Variants in KIF1B observed in about 807,000 individuals in gnomAD.
KIF1B encodes kinesin family member 1B.
In KIF1B, 76 loss-of-function variants were observed where a neutral mutation model predicts 241.9. The observed-to-expected ratio is 0.31, with a 90% CI of 0.26 to 0.38. The LOEUF is 0.38. KIF1B is among the 10% of genes least tolerant of loss of function. KIF1B has a pLI of 1.00. For missense variants in KIF1B, 1,622 were observed against 2,271.4 expected, an observed-to-expected ratio of 0.71 and a Z score of 5.81; for synonymous variants, 750 against 796.7, an observed-to-expected ratio of 0.94 and a Z score of 0.99.
At chr1:10,313,460 G>C (rs932092364) in intron 22 of KIF1B, among the ~76,000 whole-genome samples, 1 of 151,224 alleles carries the variant, frequency 6.6e-6, no homozygotes, top group African/African-American at 2.5e-5. Context: ...TAAAAACCGG[G>C]GTAGATAGGT....
In KIF1B at chr1:10,228,732, T is replaced by C. The variant is rs576871406; in HGVS notation, c.-79-3518T>C. On this transcript the variant is annotated intron_variant, in intron 1 of 48. Coordinates refer to ENST00000676179, the MANE Select transcript of KIF1B (RefSeq NM_001365951.3). ...CTAAAAGCCCAAAGAACAGTCCAGC[T>C]ATTGCAAGTATCCTAGGTATGTGGT... 2.6e-5 allele frequency among the ~76,000 whole-genome samples: 4 copies of C among 152,296 alleles called. No individual in the cohort carries two copies. The South Asian group carries it at 8.3e-4, about 32-fold the overall frequency.
intron 22 of KIF1B, among the ~76,000 whole-genome samples, chr1:10,314,249 A>T (rs1202771374): frequency 6.6e-6 from 1 of 151,604 alleles, no homozygotes; most frequent in Non-Finnish European, 1.5e-5. Flanking sequence ...GAACGATAGT[A>T]TGTGAATCTC....
chr1:10,253,221 A>T (rs560438843), intron 2 of KIF1B, among the ~76,000 whole-genome samples: 12 of 152,254 alleles, frequency 7.9e-5, no homozygotes, highest in African/African-American at 2.9e-4. Context: ...CCAAAATTGC[A>T]TCCTGAATCT....
intron 2 of KIF1B, among the ~76,000 whole-genome samples, chr1:10,246,445 T>G (rs551064979): frequency 1.5e-4 from 23 of 152,302 alleles, no homozygotes; most frequent in African/African-American, 5.3e-4. Context: ...GCCAGTCATA[T>G]TTTAGAAATA....
chr1:10,241,874 G>A (rs1466361226), intron 2 of KIF1B, among the ~76,000 whole-genome samples: 2 of 152,112 alleles, frequency 1.3e-5, no homozygotes, highest in African/African-American at 4.8e-5. Flanking sequence ...GTGCGAAGTG[G>A]TGTAATGGCA....
At chr1:10,329,975 T>G (rs1404841796) in intron 27 of KIF1B, among the ~76,000 whole-genome samples, 1 of 152,214 alleles carries the variant, frequency 6.6e-6, no homozygotes, top group African/African-American at 2.4e-5. Context: ...TCTCTCTAAG[T>G]ACCTTAACTG....
intron 22 of KIF1B, chr1:10,304,117 A>G: frequency 6.2e-7 from 1 of 1,614,154 alleles, no homozygotes. Flanking sequence ...TGGGACACAT[A>G]TCATCATAAC....
rs566430833 is a variant in KIF1B, at chr1:10,379,797, G to C, written c.*3210G>C. 1 of 230,504 alleles carries C rather than the reference G, an allele frequency of 4.3e-6. No homozygotes were observed. Among genetic ancestry groups the C allele is most frequent in the South Asian group, 1.8e-4 (1 of 5,502 alleles). 14.3% of individuals were successfully genotyped at this position (230,504 alleles called of 1,614,324 possible). A position where few individuals can be genotyped will look rare whatever the true frequency, so the allele number is the denominator to read the frequency against. ...CCAAATCAGTGCTCAGACCCTCTCT[G>C]TGTCTGTGTGCCCTCCTGGGAGTCA... is the stretch of plus-strand genomic sequence containing the variant. On this transcript the variant is annotated 3_prime_UTR_variant, in exon 49 of 49. Coordinates refer to ENST00000676179, the MANE Select transcript of KIF1B (RefSeq NM_001365951.3).
intron 2 of KIF1B, among the ~76,000 whole-genome samples, chr1:10,238,116 C>T (rs764583781): frequency 6.6e-6 from 1 of 151,668 alleles, no homozygotes; most frequent in Non-Finnish European, 1.5e-5. Context: ...CACAGTGGCT[C>T]ACGCCTATAA....
rs895254957 is a variant in KIF1B, at chr1:10,378,749, C to G, written c.*2162C>G. ...GCTCATCTCTGAAGAACAGGTCTCCCAGCTTCGCTCCTTATCACTGCATTG... is the reference window on the plus strand; with the variant it reads ...GCTCATCTCTGAAGAACAGGTCTCCGAGCTTCGCTCCTTATCACTGCATTG... On this transcript the variant is annotated 3_prime_UTR_variant, in exon 49 of 49. Transcript: ENST00000676179. The G allele has an allele frequency of 3.3e-5, 11 of 333,646 alleles. No individual in the cohort carries two copies. The highest frequency in any genetic ancestry group is 2.3e-4 in the African/African-American group (11 of 48,452). 20.7% of individuals were successfully genotyped at this position (333,646 alleles called of 1,614,324 possible).
At chr1:10,304,472 A>G (rs1245847132) in intron 22 of KIF1B, 1 of 1,610,266 alleles carries the variant, frequency 6.2e-7, no homozygotes, top group Non-Finnish European at 8.5e-7. Context: ...ATTCATCAAC[A>G]CCGTCAGTCT....
Position 10,373,652 on chromosome 1 carries a change from T to C in KIF1B, c.4947-664T>C, listed in dbSNP as rs757797260. On this transcript the variant is annotated intron_variant, in intron 45 of 48. Coordinates refer to ENST00000676179, the MANE Select transcript of KIF1B (RefSeq NM_001365951.3). ...CAAAGATATCTAGCAATACAGAGTA[T>C]AGGAATTTATTTCTCACACAGTAGT... 2.2e-4 allele frequency among the ~76,000 whole-genome samples: 34 copies of C among 152,188 alleles called. 1 individual carries two copies. Among genetic ancestry groups the C allele is most frequent in the Non-Finnish European group, 4.3e-4 (29 of 68,034 alleles).
chr1:10,255,863 A>G (rs1350006396), intron 2 of KIF1B, among the ~76,000 whole-genome samples: 1 of 152,180 alleles, frequency 6.6e-6, no homozygotes, highest in Middle Eastern at 3.4e-3. Context: ...GATAACAGCT[A>G]ACTACATCCT....
intron 1 of KIF1B, among the ~76,000 whole-genome samples, chr1:10,217,840 G>T (rs11121532): frequency 0.24 from 36,610 of 151,742 alleles, 5,047 homozygotes; most frequent in Admixed American, 0.31. Flanking sequence ...CTCTATACCT[G>T]ATTTATTAAT....
chr1:10,305,631 A>G (rs1239224492), intron 22 of KIF1B: 1 of 1,056,726 alleles, frequency 9.5e-7, no homozygotes, highest in African/African-American at 1.6e-5. Context: ...GGAATAAAGG[A>G]GATGATACAT....
At chr1:10,359,836 C>T (rs912201263) in intron 38 of KIF1B, among the ~76,000 whole-genome samples, 1 of 151,868 alleles carries the variant, frequency 6.6e-6, no homozygotes, top group Non-Finnish European at 1.5e-5. Flanking sequence ...GAGTTTGAGA[C>T]CAGCCTGGCC....
intron 13 of KIF1B, 80 bp downstream of exon 13, chr1:10,278,208 A>T (rs1649222470): frequency 7.0e-7 from 1 of 1,437,554 alleles, no homozygotes; most frequent in African/African-American, 1.4e-5. Context: ...ATTTAAAATA[A>T]ACTTCAAGTT....
chr1:10,267,610 C>CT, intron 6 of KIF1B, 52 bp downstream of exon 6: 6 of 1,577,802 alleles, frequency 3.8e-6, no homozygotes, highest in Non-Finnish European at 5.2e-6. Context: ...TTTTGAGGTC[C>CT]TTTTTTCCCA....
intron 10 of KIF1B, 23 bp downstream of exon 10, chr1:10,273,054 T>C (rs1228181195): frequency 1.3e-6 from 2 of 1,527,650 alleles, no homozygotes; most frequent in East Asian, 4.9e-5. Context: ...TTGGTAGAGA[T>C]AAACTAGAAT....
Sources: allele counts gnomAD v4.1 joint callset (sites outside exome capture counted in the v4.1 genomes callset), GRCh38; gene constraint gnomAD v4.1.1; transcripts MANE v1.5; gene names NCBI Gene and HGNC (gene_info 2026-07-23, HGNC 2026-07-21).